The following ASPRV1 variants were observed in gnomAD, a reference collection of about 807,000 sequenced individuals.
ASPRV1 encodes the protein retroviral-like aspartic protease 1.
A neutral mutation model predicts 11.0 loss-of-function variants in ASPRV1; 7 were observed. The observed-to-expected ratio is 0.64, with a 90% confidence interval of 0.36 to 1.20. ASPRV1 has a LOEUF of 1.20. Ranked by LOEUF, ASPRV1 falls within the 50% of genes most tolerant of loss-of-function variation. The pLI is 0.02. For missense variants in ASPRV1, 299 were observed against 320.0 expected (o/e 0.93, Z 0.50); for synonymous variants, 136 against 138.4 (o/e 0.98, Z 0.12).
the ASPRV1 span, chr2:69,936,950 C>G: frequency 4.9e-5 from 27 of 550,946 alleles, 1 homozygote; most frequent in South Asian, 4.1e-4. Flanking sequence ...TGCAGTCTTT[C>G]TGATACTAAA....
chr2:69,986,337 C>T, the ASPRV1 span, among the ~76,000 whole-genome samples: 2 of 152,252 alleles, frequency 1.3e-5, no homozygotes, highest in Non-Finnish European at 2.9e-5. Flanking sequence ...TCCCCAGCAA[C>T]CCCTCTGCTT....
At chr2:70,075,592 A>C in the ASPRV1 span, among the ~76,000 whole-genome samples, 1 of 152,126 alleles carries the variant, frequency 6.6e-6, no homozygotes, top group African/African-American at 2.4e-5. Context: ...CACGCCTGTA[A>C]TCCCAGCACT....
At chr2:70,032,234 T>C in the ASPRV1 span, 1 of 152,230 alleles carries the variant, frequency 6.6e-6, no homozygotes, top group Non-Finnish European at 1.5e-5. Context: ...GATAAATTCT[T>C]CTATCAACCA....
chr2:69,954,164 G>T, the ASPRV1 span, among the ~76,000 whole-genome samples: 2 of 152,308 alleles, frequency 1.3e-5, no homozygotes, highest in South Asian at 2.1e-4. Flanking sequence ...GCTCTCCATT[G>T]TCTGAGAATG....
chr2:70,028,940 C>CA, the ASPRV1 span, among the ~76,000 whole-genome samples: 1 of 149,266 alleles, frequency 6.7e-6, no homozygotes, highest in African/African-American at 2.6e-5. Context: ...ACTCCGTCTC[C>CA]AAAAAAATAA....
the ASPRV1 span, among the ~76,000 whole-genome samples, chr2:70,083,071 G>C: frequency 6.6e-6 from 1 of 152,172 alleles, no homozygotes; most frequent in African/African-American, 2.4e-5. Flanking sequence ...AAAGAGGGAA[G>C]AGATTTTCTA....
chr2:70,008,674 T>A, the ASPRV1 span, among the ~76,000 whole-genome samples: 6 of 151,938 alleles, frequency 3.9e-5, no homozygotes, highest in African/African-American at 1.4e-4. Context: ...ATTGTGTTAG[T>A]GTATTTTAGG....
At chr2:70,081,585 TTTTTA>T in the ASPRV1 span, 1 of 152,114 alleles carries the variant, frequency 6.6e-6, no homozygotes, top group Admixed American at 6.5e-5. Context: ...TACTCTTTAT[TTTTTA>T]TTTTCTTTTT....
the ASPRV1 span, among the ~76,000 whole-genome samples, chr2:70,033,133 T>C: frequency 6.6e-6 from 1 of 152,176 alleles, no homozygotes; most frequent in South Asian, 2.1e-4. Flanking sequence ...ATGCTCTTCA[T>C]AGTCCCTTTG....
the ASPRV1 span, chr2:70,056,001 T>C: frequency 6.6e-6 from 1 of 152,236 alleles, no homozygotes; most frequent in African/African-American, 2.4e-5. Context: ...AATGGATTAT[T>C]ATTCAACCTT....
At chr2:69,996,236 A>AG in the ASPRV1 span, among the ~76,000 whole-genome samples, 15 of 151,074 alleles carry the variant, frequency 9.9e-5, no homozygotes, top group East Asian at 2.7e-3. Context: ...AAAAAAAAAA[A>AG]AAACAATTAG....
chr2:70,066,882 G>A, the ASPRV1 span, among the ~76,000 whole-genome samples: 4 of 152,152 alleles, frequency 2.6e-5, no homozygotes, highest in Admixed American at 6.5e-5. Flanking sequence ...GAGCCACCAC[G>A]CCTGGCCCAT....
the ASPRV1 span, among the ~76,000 whole-genome samples, chr2:70,072,877 C>T: frequency 1.4e-5 from 2 of 147,344 alleles, no homozygotes; most frequent in African/African-American, 5.1e-5. Flanking sequence ...TATAGTGAAA[C>T]CTTGTCTCTA....
the ASPRV1 span, among the ~76,000 whole-genome samples, chr2:69,974,207 C>T: frequency 1.3e-5 from 2 of 152,078 alleles, no homozygotes; most frequent in Admixed American, 1.3e-4. Context: ...CATGGTGGTG[C>T]ATGCCTGTTT....
At chr2:69,961,773 C>T (rs1375717242), upstream of ASPRV1, 1 of 1,416,812 alleles carries the variant, frequency 7.1e-7, no homozygotes, top group East Asian at 2.3e-5. Context: ...GTGCCTCACC[C>T]TCTGCATCCA....
At chr2:70,036,005 A>G in the ASPRV1 span, among the ~76,000 whole-genome samples, 1 of 151,366 alleles carries the variant, frequency 6.6e-6, no homozygotes, top group Non-Finnish European at 1.5e-5. Flanking sequence ...GAAATGAGAA[A>G]TGAACTTTGA....
the ASPRV1 span, among the ~76,000 whole-genome samples, chr2:69,952,853 C>G: frequency 6.6e-6 from 1 of 152,176 alleles, no homozygotes; most frequent in Non-Finnish European, 1.5e-5. Flanking sequence ...CCTCTCTCAC[C>G]TCCATAACAA....
chr2:69,934,063 C>T, the ASPRV1 span, among the ~76,000 whole-genome samples: 2 of 152,200 alleles, frequency 1.3e-5, no homozygotes, highest in Non-Finnish European at 2.9e-5. Flanking sequence ...ATTCAGCAAA[C>T]ACTTATTAAG....
At chr2:69,965,241 T>G (rs1163450365), upstream of ASPRV1, among the ~76,000 whole-genome samples, 2 of 152,064 alleles carry the variant, frequency 1.3e-5, no homozygotes, top group Non-Finnish European at 2.9e-5. Context: ...GGTTTCACCG[T>G]GTTAGCCAGG....
Sources: allele counts gnomAD v4.1 joint callset (sites outside exome capture counted in the v4.1 genomes callset), GRCh38; gene constraint gnomAD v4.1.1; transcripts MANE v1.5; gene names NCBI Gene and HGNC (gene_info 2026-07-23, HGNC 2026-07-21).